The following PACSIN1 variants were observed in gnomAD, a reference collection of about 807,000 sequenced individuals.
PACSIN1 encodes protein kinase C and casein kinase substrate in neurons protein 1.
In PACSIN1, 15 loss-of-function variants were observed where a neutral mutation model predicts 59.5. That is an observed-to-expected ratio of 0.25 (90% confidence interval 0.17 to 0.39). PACSIN1 has a LOEUF of 0.39. Among genes scored for constraint, PACSIN1 ranks in the 10% least tolerant of loss-of-function variants. The pLI, the probability that PACSIN1 is intolerant of heterozygous loss-of-function variation, is 1.00. For missense variants in PACSIN1, 420 were observed against 580.2 expected, an observed-to-expected ratio of 0.72 and a Z score of 2.84; for synonymous variants, 210 against 220.6, an observed-to-expected ratio of 0.95 and a Z score of 0.42.
intron 1 of PACSIN1, among the ~76,000 whole-genome samples, chr6:34,486,227 G>A (rs1221705178): frequency 6.6e-6 from 1 of 151,932 alleles, no homozygotes; most frequent in Non-Finnish European, 1.5e-5. Flanking sequence ...GGTGAGGTGG[G>A]TTTGGGGCCA....
At chr6:34,479,354 G>A (rs1766683956) in intron 1 of PACSIN1, among the ~76,000 whole-genome samples, 1 of 152,102 alleles carries the variant, frequency 6.6e-6, no homozygotes, top group Admixed American at 6.5e-5. Flanking sequence ...TAAACAGTTA[G>A]GGTTATTCAC....
chr6:34,511,061 A>G lies in PACSIN1; in HGVS notation c.-63-15182A>G, dbSNP rs540676698. ...TGCTCATCATTTGAACATATTTATG[A>G]TGTGTCTCCCTTTGGCATGAAATCT... is the stretch of plus-strand genomic sequence containing the variant. On this transcript the variant is annotated intron_variant, in intron 1 of 9. Coordinates refer to ENST00000244458, the MANE Select transcript of PACSIN1 (RefSeq NM_020804.5). 7.2e-5 allele frequency among the ~76,000 whole-genome samples: 11 copies of G among 152,298 alleles called. No individual in the cohort carries two copies. The South Asian group carries it at 2.1e-3, about 29-fold the overall frequency.
intron 1 of PACSIN1, among the ~76,000 whole-genome samples, chr6:34,486,703 G>T (rs993918750): frequency 2.0e-5 from 3 of 149,408 alleles, no homozygotes; most frequent in African/African-American, 4.8e-5. Flanking sequence ...TGCCTTCCGG[G>T]GCCCTCCTCC....
intron 1 of PACSIN1, among the ~76,000 whole-genome samples, chr6:34,510,313 G>A (rs753469948): frequency 3.9e-5 from 6 of 152,086 alleles, no homozygotes; most frequent in African/African-American, 7.2e-5. Flanking sequence ...CTTTCTCCCC[G>A]TGCTAAAAAA....
chr6:34,492,391 A>T (rs1221838315), intron 1 of PACSIN1, among the ~76,000 whole-genome samples: 8 of 137,844 alleles, frequency 5.8e-5, no homozygotes, highest in African/African-American at 2.2e-4. Context: ...ATTTATTTTT[A>T]TTTTTTTTTG....
At chr6:34,475,297 T>A (rs1766623409) in intron 1 of PACSIN1, among the ~76,000 whole-genome samples, 1 of 140,244 alleles carries the variant, frequency 7.1e-6, no homozygotes, top group South Asian at 2.5e-4. Context: ...TTTCAATGTT[T>A]CCTAAAATTA....
chr6:34,486,999 T>C (rs1766803758), intron 1 of PACSIN1, among the ~76,000 whole-genome samples: 1 of 110,638 alleles, frequency 9.0e-6, no homozygotes. Context: ...AAACCCCATC[T>C]CTACCAAAAA....
chr6:34,515,375 G>C lies in PACSIN1; in HGVS notation c.-63-10868G>C, dbSNP rs913538324. Among the ~76,000 whole-genome samples, 7 of 152,324 alleles carry C rather than the reference G, an allele frequency of 4.6e-5. No homozygotes were observed. Among genetic ancestry groups the C allele is most frequent in the Non-Finnish European group, 8.8e-5 (6 of 68,018 alleles). ...TGCCCCCTCCTTGGGGCAGCAGGCCGAGGGAGGCTGGAGCCTCCAGGGACC... is the reference window on the plus strand; with the variant it reads ...TGCCCCCTCCTTGGGGCAGCAGGCCCAGGGAGGCTGGAGCCTCCAGGGACC... On this transcript the variant is annotated intron_variant, in intron 1 of 9. Transcript: ENST00000244458. This position sits in a 1 kb window ranked among gnomAD's most constrained non-coding sequence, Gnocchi z 4.4.
intron 1 of PACSIN1, among the ~76,000 whole-genome samples, chr6:34,520,535 A>T (rs1581982079): frequency 1.3e-5 from 2 of 152,160 alleles, no homozygotes; most frequent in Admixed American, 6.5e-5. Context: ...TGGACAAGTT[A>T]TCTAACTTCT....
At position 34,518,146 on chromosome 6, in the gene PACSIN1, G is replaced by C. The variant is rs932826113; in HGVS notation, c.-63-8097G>C. On this transcript the variant is annotated intron_variant, in intron 1 of 9. Transcript: ENST00000244458. The surrounding 1 kb of genome is among the most constrained non-coding windows in gnomAD (Gnocchi z 4.4). Reference sequence around the variant, plus strand: ...GAGCTGCTCTGCCCGGCCAGGCCCCGGAAGAGGGCAAGCTGCATGCATCCC... The same window carrying C: ...GAGCTGCTCTGCCCGGCCAGGCCCCCGAAGAGGGCAAGCTGCATGCATCCC... Among the ~76,000 whole-genome samples the C allele has an allele frequency of 1.3e-5, 2 of 152,222 alleles. No homozygotes were observed. The highest frequency in any genetic ancestry group is 2.4e-5 in the African/African-American group (1 of 41,456).
At chr6:34,520,387 G>C (rs976554982) in intron 1 of PACSIN1, among the ~76,000 whole-genome samples, 12 of 152,186 alleles carry the variant, frequency 7.9e-5, no homozygotes, top group Non-Finnish European at 1.8e-4. Flanking sequence ...CTGTCCCTGA[G>C]CTGAGCCTGT....
At chr6:34,490,057 T>C (rs537623327) in intron 1 of PACSIN1, among the ~76,000 whole-genome samples, 8 of 150,060 alleles carry the variant, frequency 5.3e-5, no homozygotes, top group African/African-American at 1.9e-4. Context: ...TCATGAAGCC[T>C]TGGATGTTCT....
chr6:34,519,035 A>G (rs954449862), intron 1 of PACSIN1, among the ~76,000 whole-genome samples: 2 of 152,126 alleles, frequency 1.3e-5, no homozygotes, highest in East Asian at 1.9e-4. Flanking sequence ...TGGGCTCTTA[A>G]GAGGGTGGCC....
At chr6:34,511,264 G>A (rs993441031) in intron 1 of PACSIN1, among the ~76,000 whole-genome samples, 2 of 152,176 alleles carry the variant, frequency 1.3e-5, no homozygotes, top group African/African-American at 4.8e-5. Flanking sequence ...AGTATGGGGC[G>A]AGCCCCTTAA....
At chr6:34,483,454 G>T (rs991190342) in intron 1 of PACSIN1, among the ~76,000 whole-genome samples, 2 of 152,012 alleles carry the variant, frequency 1.3e-5, no homozygotes, top group African/African-American at 2.4e-5. Flanking sequence ...AGTGGCTTGC[G>T]CAGGGCCACG....
At position 34,515,789 on chromosome 6, in the gene PACSIN1, C is replaced by T. The variant is rs546252987; in HGVS notation, c.-63-10454C>T. On this transcript the variant is annotated intron_variant, in intron 1 of 9. Coordinates refer to ENST00000244458, the MANE Select transcript of PACSIN1 (RefSeq NM_020804.5). This position sits in a 1 kb window ranked among gnomAD's most constrained non-coding sequence, Gnocchi z 4.4. ...GGAGTGCCTGTGGCCCTCCCTCCTG[C>T]GCTCCCTGTCCCTCTGCTGCATTGC... Among the ~76,000 whole-genome samples the T allele has an allele frequency of 1.3e-5, 2 of 152,312 alleles. No homozygotes were observed. The highest frequency in any genetic ancestry group is 4.1e-4 in the South Asian group (2 of 4,826).
intron 1 of PACSIN1, among the ~76,000 whole-genome samples, chr6:34,477,992 A>G (rs1766661742): frequency 6.7e-6 from 1 of 148,656 alleles, no homozygotes; most frequent in Non-Finnish European, 1.5e-5. Context: ...GGCTCAAGCA[A>G]TCCTCCCGCC....
intron 1 of PACSIN1, among the ~76,000 whole-genome samples, chr6:34,503,785 G>A (rs1767063660): frequency 6.6e-6 from 1 of 152,034 alleles, no homozygotes; most frequent in Non-Finnish European, 1.5e-5. Context: ...TTTTAAAATT[G>A]AAGTATAACA....
intron 1 of PACSIN1, among the ~76,000 whole-genome samples, chr6:34,494,962 T>A (rs150058465): frequency 6.6e-6 from 1 of 152,308 alleles, no homozygotes; most frequent in Non-Finnish European, 1.5e-5. Flanking sequence ...CTCTCTGGTT[T>A]TCCCATTATG....
Sources: gnomAD v4.1 joint callset for allele counts (sites outside exome capture counted in the v4.1 genomes callset) on GRCh38, gnomAD v4.1.1 for gene constraint, Gnocchi (gnomAD v3.1) non-coding constraint, MANE v1.5 for transcripts, NCBI Gene and HGNC (gene_info 2026-07-23, HGNC 2026-07-21) for gene names.